NUBPL: variants seen among roughly 807,000 people sequenced by gnomAD.
The protein encoded by NUBPL is NUBP iron-sulfur cluster assembly factor, mitochondrial.
Under a neutral mutation model 45.7 loss-of-function variants are expected in NUBPL, and 31 were observed. The observed-to-expected ratio is 0.68, with a 90% CI of 0.51 to 0.92. The LOEUF (loss-of-function observed/expected upper bound fraction) is 0.92, where lower values mean the gene tolerates loss of function less well. Ranked by LOEUF, NUBPL falls within the 40% of genes least tolerant of loss-of-function variation. NUBPL has a pLI of 0.00. For missense variants in NUBPL, 401 were observed against 398.7 expected, an observed-to-expected ratio of 1.01 and a Z score of -0.05; for synonymous variants, 144 against 140.9, an observed-to-expected ratio of 1.02 and a Z score of -0.15.
intron 4 of NUBPL, among the ~76,000 whole-genome samples, chr14:31,601,206 C>A (rs2034423736): frequency 6.6e-6 from 1 of 152,166 alleles, no homozygotes; most frequent in African/African-American, 2.4e-5. Flanking sequence ...CAGCTTTGTT[C>A]TTTTGGCTCA....
At chr14:31,617,665 G>T (rs1188847238) in intron 4 of NUBPL, among the ~76,000 whole-genome samples, 2 of 152,154 alleles carry the variant, frequency 1.3e-5, no homozygotes, top group Non-Finnish European at 2.9e-5. Flanking sequence ...ATGTGCTGCT[G>T]GATTCAGTTT....
intron 6 of NUBPL, among the ~76,000 whole-genome samples, chr14:31,708,965 C>T (rs2037512573): frequency 6.6e-6 from 1 of 152,120 alleles, no homozygotes; most frequent in South Asian, 2.1e-4. Context: ...GGGTGATTGG[C>T]CTGCTCCATT....
rs544144512 is a variant in NUBPL, at chr14:31,749,804, TCATCTCTTCTCCCTC to T, written c.514-37973_514-37959del. ...TTAAACATGTTTTTGGTGCCTTTTT[TCATCTCTTCTCCCTC>T]CAGTATTCCCATAATGCAAAAATTT... On this transcript the variant is annotated intron_variant, in intron 6 of 10. Transcript: ENST00000281081. Among the ~76,000 whole-genome samples the T allele has an allele frequency of 5.3e-5, 8 of 152,298 alleles. No individual in the cohort carries two copies. The South Asian group carries it at 1.7e-3, about 32-fold the overall frequency.
chr14:31,852,604 G>A (rs1566599417), intron 10 of NUBPL, among the ~76,000 whole-genome samples: 1 of 152,184 alleles, frequency 6.6e-6, no homozygotes, highest in Admixed American at 6.5e-5. Context: ...CTGGGAGGCG[G>A]AGGTTGCAGT....
At chr14:31,817,407 A>C (rs569507032) in intron 7 of NUBPL, among the ~76,000 whole-genome samples, 11 of 152,156 alleles carry the variant, frequency 7.2e-5, no homozygotes, top group Non-Finnish European at 1.3e-4. Flanking sequence ...TGAAGGAAAA[A>C]ATGTTAAGGG....
At chr14:31,750,341 AAT>A (rs1491436553) in intron 6 of NUBPL, among the ~76,000 whole-genome samples, 2 of 62,218 alleles carry the variant, frequency 3.2e-5, no homozygotes, top group African/African-American at 6.7e-5. Context: ...ACGCCCGGCT[AAT>A]TTTTTTTTTT....
At chr14:31,693,842 A>ATTTT (rs774276607) in intron 6 of NUBPL, among the ~76,000 whole-genome samples, 1 of 122,344 alleles carries the variant, frequency 8.2e-6, no homozygotes, top group Non-Finnish European at 1.6e-5. Context: ...CATGAGGTAG[A>ATTTT]TTTTCTTTTC....
intron 6 of NUBPL, among the ~76,000 whole-genome samples, chr14:31,691,583 C>T (rs972905598): frequency 1.3e-5 from 2 of 152,084 alleles, no homozygotes; most frequent in Non-Finnish European, 2.9e-5. Flanking sequence ...GGGTAATAGT[C>T]AGGTTGGGAG....
chr14:31,571,847 A>G (rs914914526), intron 3 of NUBPL, among the ~76,000 whole-genome samples: 3 of 152,190 alleles, frequency 2.0e-5, no homozygotes, highest in African/African-American at 7.2e-5. Flanking sequence ...ATAGGAAATA[A>G]CTAACTTTCA....
intron 6 of NUBPL, among the ~76,000 whole-genome samples, chr14:31,758,955 C>T (rs776201203): frequency 1.3e-5 from 2 of 152,134 alleles, no homozygotes; most frequent in East Asian, 1.9e-4. Flanking sequence ...GGGATGAAGA[C>T]TTAGGCTTGT....
chr14:31,579,575 G>C (rs1158188823), intron 3 of NUBPL, among the ~76,000 whole-genome samples: 7 of 152,222 alleles, frequency 4.6e-5, no homozygotes, highest in Non-Finnish European at 7.3e-5. Flanking sequence ...TAGTATTTTA[G>C]TATGTCATTG....
chr14:31,784,271 T>C (rs534005023), intron 6 of NUBPL, among the ~76,000 whole-genome samples: 15 of 152,348 alleles, frequency 9.8e-5, no homozygotes, highest in African/African-American at 3.4e-4. Context: ...CCCTATGGCT[T>C]GTTTTCTTTA....
At chr14:31,654,384 T>A (rs1268152055) in intron 4 of NUBPL, among the ~76,000 whole-genome samples, 1 of 151,924 alleles carries the variant, frequency 6.6e-6, no homozygotes, top group South Asian at 2.1e-4. Flanking sequence ...GAATGTTGGG[T>A]TGGGTATGGC....
chr14:31,589,500 A>C (rs2034086033), intron 3 of NUBPL, among the ~76,000 whole-genome samples: 1 of 152,212 alleles, frequency 6.6e-6, no homozygotes, highest in Non-Finnish European at 1.5e-5. Flanking sequence ...TATAAGAATA[A>C]TTCAGTGTAC....
At position 31,615,305 on chromosome 14, in the gene NUBPL, T is replaced by C. The variant is rs180944477; in HGVS notation, c.382+15926T>C. Among the ~76,000 whole-genome samples, 16 of 152,202 alleles carry C rather than the reference T, an allele frequency of 1.1e-4. No homozygotes were observed. The East Asian group carries it at 2.1e-3, about 20-fold the overall frequency. ...TGTGAGTCAATTAAACCTTTTTTATTATTATTATACATTAAGTTCTGGGGT... is the reference window on the plus strand; with the variant it reads ...TGTGAGTCAATTAAACCTTTTTTATCATTATTATACATTAAGTTCTGGGGT... On this transcript the variant is annotated intron_variant, in intron 4 of 10. Coordinates refer to ENST00000281081, the MANE Select transcript of NUBPL (RefSeq NM_025152.3).
intron 4 of NUBPL, among the ~76,000 whole-genome samples, chr14:31,640,070 C>A (rs6571442): frequency 4.6e-5 from 7 of 152,208 alleles, no homozygotes; most frequent in African/African-American, 9.6e-5. Flanking sequence ...GCTTCGGCTC[C>A]GGCACGGTGC....
At chr14:31,810,002 T>C (rs1799844011) in intron 7 of NUBPL, among the ~76,000 whole-genome samples, 1 of 152,222 alleles carries the variant, frequency 6.6e-6, no homozygotes, top group Admixed American at 6.5e-5. Context: ...TGATTTCTGT[T>C]CTTTTACATT....
At chr14:31,819,153 A>G (rs956778301) in intron 7 of NUBPL, among the ~76,000 whole-genome samples, 2 of 152,162 alleles carry the variant, frequency 1.3e-5, no homozygotes, top group Admixed American at 1.3e-4. Flanking sequence ...TGACAGGAGA[A>G]AGACAGAGGA....
intron 6 of NUBPL, among the ~76,000 whole-genome samples, chr14:31,759,061 A>G (rs556445506): frequency 1.3e-5 from 2 of 151,660 alleles, no homozygotes; most frequent in African/African-American, 2.4e-5. Flanking sequence ...ACATCCCACT[A>G]TCGACTTTAA....
Sources: gnomAD v4.1 joint callset for allele counts (sites outside exome capture counted in the v4.1 genomes callset) on GRCh38, gnomAD v4.1.1 for gene constraint, MANE v1.5 for transcripts, NCBI Gene and HGNC (gene_info 2026-07-23, HGNC 2026-07-21) for gene names.